Variants in GLI3 observed in about 807,000 individuals in gnomAD.
GLI3 encodes the protein GLI family zinc finger 3, also known as transcription activator GLI3.
In GLI3, 20 loss-of-function variants were observed where a neutral mutation model predicts 100.8. The ratio of observed to expected loss-of-function variants is 0.20; its 90% CI spans 0.14 to 0.29. The LOEUF (loss-of-function observed/expected upper bound fraction) is 0.29. Among genes scored for constraint, GLI3 ranks in the 10% least tolerant of loss-of-function variants. The pLI is 1.00. For synonymous variants in GLI3, 938 were observed against 860.5 expected, an observed-to-expected ratio of 1.09 and a Z score of -1.58; for missense variants, 2,040 against 2,128.5, an observed-to-expected ratio of 0.96 and a Z score of 0.82.
chr7:42,147,409 G>A (rs780340164), intron 3 of GLI3, among the ~76,000 whole-genome samples: 11 of 152,132 alleles, frequency 7.2e-5, no homozygotes, highest in African/African-American at 1.9e-4. Flanking sequence ...AATTGGAGCC[G>A]GGAAGGTTAA....
At chr7:42,229,460 GGAA>G (rs1445641916) in intron 1 of GLI3, among the ~76,000 whole-genome samples, 1 of 152,142 alleles carries the variant, frequency 6.6e-6, no homozygotes, top group East Asian at 1.9e-4. Context: ...TTACTCCAGT[GGAA>G]GAAGGTTTTC....
intron 10 of GLI3, among the ~76,000 whole-genome samples, chr7:42,002,258 CA>C (rs1788324268): frequency 6.6e-6 from 1 of 152,068 alleles, no homozygotes; most frequent in South Asian, 2.1e-4. Flanking sequence ...AAAAAATAAA[CA>C]GATGAATATA....
chr7:42,035,420 G>C (rs1789410042), intron 7 of GLI3, among the ~76,000 whole-genome samples: 1 of 152,166 alleles, frequency 6.6e-6, no homozygotes, highest in African/African-American at 2.4e-5. Context: ...TCATCATCAG[G>C]CTGAGCTCAT....
chr7:42,182,743 C>T (rs1300402645), intron 2 of GLI3, among the ~76,000 whole-genome samples: 2 of 130,412 alleles, frequency 1.5e-5, no homozygotes, highest in African/African-American at 6.4e-5. Context: ...CACACACACA[C>T]ACAGAGGAAT....
intron 3 of GLI3, chr7:42,145,622 G>GAAA (rs59890189): frequency 0.01 from 3,546 of 353,924 alleles, no homozygotes; most frequent in Non-Finnish European, 0.013. Flanking sequence ...AAGAAAGAAA[G>GAAA]AAAAAAAAAA....
chr7:42,121,187 T>C (rs1357612832), intron 3 of GLI3, among the ~76,000 whole-genome samples: 1 of 152,212 alleles, frequency 6.6e-6, no homozygotes, highest in East Asian at 1.9e-4. Flanking sequence ...CAAATTGTTC[T>C]ACGTAATACT....
chr7:42,148,993 A>G (rs1455767316), intron 2 of GLI3, among the ~76,000 whole-genome samples: 7 of 152,200 alleles, frequency 4.6e-5, no homozygotes, highest in African/African-American at 1.7e-4. Flanking sequence ...AAGCTATCCA[A>G]AAGTTTATGC....
chr7:42,202,417 C>T (rs545210711), intron 2 of GLI3, among the ~76,000 whole-genome samples: 2 of 151,922 alleles, frequency 1.3e-5, no homozygotes, highest in South Asian at 4.2e-4. Flanking sequence ...GTATACTACA[C>T]AGACTCACTA....
At chr7:42,166,643 C>G (rs1787247239) in intron 2 of GLI3, among the ~76,000 whole-genome samples, 1 of 131,678 alleles carries the variant, frequency 7.6e-6, no homozygotes, top group African/African-American at 2.9e-5. Context: ...CAGCCTGGTT[C>G]TGATTCCTTT....
At chr7:42,184,863 C>T (rs1787687855) in intron 2 of GLI3, among the ~76,000 whole-genome samples, 1 of 152,162 alleles carries the variant, frequency 6.6e-6, no homozygotes, top group Non-Finnish European at 1.5e-5. Context: ...CCTGTGGGGT[C>T]AGCTGAGGCT....
chr7:42,126,194 T>C (rs1476704919), intron 3 of GLI3, among the ~76,000 whole-genome samples: 2 of 152,174 alleles, frequency 1.3e-5, no homozygotes, highest in Admixed American at 6.5e-5. Flanking sequence ...GGAGAAAGGG[T>C]AGTGCCTGTG....
intron 3 of GLI3, among the ~76,000 whole-genome samples, chr7:42,144,432 C>T (rs770165387): frequency 6.6e-6 from 1 of 152,168 alleles, no homozygotes; most frequent in Non-Finnish European, 1.5e-5. Context: ...TACAGCCCGT[C>T]CACTGCGACC....
At chr7:42,141,966 C>T (rs1786578690) in intron 3 of GLI3, among the ~76,000 whole-genome samples, 1 of 152,058 alleles carries the variant, frequency 6.6e-6, no homozygotes, top group Admixed American at 6.5e-5. Flanking sequence ...CGCATGAGTC[C>T]CCAGTCCTAC....
At chr7:42,031,832 G>A (rs1437924076) in intron 7 of GLI3, among the ~76,000 whole-genome samples, 1 of 152,120 alleles carries the variant, frequency 6.6e-6, no homozygotes, top group East Asian at 1.9e-4. Context: ...TCAGTTAAAA[G>A]TGATTAACAA....
chr7:42,129,615 C>T (rs993456573), intron 3 of GLI3, among the ~76,000 whole-genome samples: 40 of 152,092 alleles, frequency 2.6e-4, no homozygotes, highest in African/African-American at 9.4e-4. Flanking sequence ...ACAAGACCAG[C>T]CTGGCCAAGA....
intron 2 of GLI3, among the ~76,000 whole-genome samples, chr7:42,205,051 G>A (rs1247390765): frequency 1.3e-5 from 2 of 152,216 alleles, no homozygotes; most frequent in Non-Finnish European, 2.9e-5. Context: ...GTGCTTTCAA[G>A]TGTACGAAGT....
chr7:42,240,722 A>G (rs188208668), upstream of GLI3, among the ~76,000 whole-genome samples: 1 of 152,294 alleles, frequency 6.6e-6, no homozygotes, highest in Non-Finnish European at 1.5e-5. Flanking sequence ...CCTGTTTCCA[A>G]GATCATATTC....
chr7:42,243,114 C>G (rs1788941516), intron 1 of GLI3, among the ~76,000 whole-genome samples: 1 of 152,030 alleles, frequency 6.6e-6, no homozygotes, highest in Non-Finnish European at 1.5e-5. Context: ...CAGTCAAGAC[C>G]AGGTGAACTG....
intron 4 of GLI3, among the ~76,000 whole-genome samples, chr7:42,066,739 G>A (rs1209359959): frequency 6.6e-6 from 1 of 152,216 alleles, no homozygotes; most frequent in Non-Finnish European, 1.5e-5. Context: ...CTGCACCTCT[G>A]CTCACAGCTC....
Sources: allele counts gnomAD v4.1 joint callset (sites outside exome capture counted in the v4.1 genomes callset), GRCh38; gene constraint gnomAD v4.1.1; transcripts MANE v1.5; gene names NCBI Gene and HGNC (gene_info 2026-07-23, HGNC 2026-07-21).